The following SMG6 variants were observed in gnomAD, a reference collection of about 807,000 sequenced individuals.
The protein encoded by SMG6 is SMG6 nonsense mediated mRNA decay factor.
Under a neutral mutation model 142.2 loss-of-function variants are expected in SMG6, and 66 were observed. That is an observed-to-expected ratio of 0.46 (90% CI 0.38 to 0.57). The LOEUF is 0.57. Ranked by LOEUF, SMG6 falls within the 20% of genes least tolerant of loss-of-function variation. SMG6 has a pLI of 0.00. For missense variants in SMG6, 1,793 were observed against 1,832.0 expected (o/e 0.98, Z 0.39); for synonymous variants, 779 against 702.4 (o/e 1.11, Z -1.72).
chr17:2,278,948 G>T (rs550822606), intron 8 of SMG6, among the ~76,000 whole-genome samples: 1 of 152,180 alleles, frequency 6.6e-6, no homozygotes, highest in East Asian at 1.9e-4. Flanking sequence ...TATCAACTAA[G>T]ATTTATTTAG....
chr17:2,179,617 G>A (rs1206824592), intron 12 of SMG6, among the ~76,000 whole-genome samples: 1 of 151,848 alleles, frequency 6.6e-6, no homozygotes, highest in Non-Finnish European at 1.5e-5. Flanking sequence ...CAATCCAACA[G>A]TGTGATAAAT....
chr17:2,300,644 C>T lies in SMG6; in HGVS notation c.109G>A (p.Glu37Lys), dbSNP rs769106866. 3.2e-6 allele frequency: 5 copies of T among 1,585,780 alleles called. No homozygotes were observed. The highest frequency in any genetic ancestry group is 4.3e-6 in the Non-Finnish European group (5 of 1,169,468). The change falls in exon 2 of 19, where the codon GAG (glutamate) becomes AAG (lysine). Residue 37 changes from glutamate (E) to lysine (K), a missense_variant. Physicochemically the swap from Glu to Lys is moderately conservative, Grantham distance 56. Transcript: ENST00000263073. ...GSRENMKELKEARPRKDNRRP... is the reference protein window; with the variant it reads ...GSRENMKELKKARPRKDNRRP... ...CTGTTATCTTTGCGCGGCCTGGCCT[C>T]CTTTAATTCCTTCATGTTTTCTGTT...
At chr17:2,271,592 G>A (rs1365307244) in intron 8 of SMG6, among the ~76,000 whole-genome samples, 1 of 152,074 alleles carries the variant, frequency 6.6e-6, no homozygotes, top group Admixed American at 6.6e-5. Flanking sequence ...GCGGGCGCCT[G>A]TAGTCCCAGC....
intron 15 of SMG6, among the ~76,000 whole-genome samples, chr17:2,074,328 G>C (rs919199882): frequency 2.0e-5 from 3 of 152,040 alleles, no homozygotes; most frequent in African/African-American, 7.2e-5. Flanking sequence ...ATAAAAATAG[G>C]AACAGTGGGT....
intron 10 of SMG6, among the ~76,000 whole-genome samples, chr17:2,198,968 A>G (rs1417490133): frequency 2.7e-5 from 4 of 150,152 alleles, no homozygotes; most frequent in Non-Finnish European, 5.9e-5. Context: ...AAAAAAAAAA[A>G]AAAAAAGAAA....
chr17:2,222,297 T>G (rs2073192874), intron 10 of SMG6, among the ~76,000 whole-genome samples: 1 of 151,742 alleles, frequency 6.6e-6, no homozygotes, highest in Non-Finnish European at 1.5e-5. Context: ...GCAGCAGTGT[T>G]AAATAGGATG....
intron 10 of SMG6, among the ~76,000 whole-genome samples, chr17:2,205,731 T>C (rs1347696297): frequency 2.6e-5 from 4 of 152,296 alleles, no homozygotes; most frequent in East Asian, 3.9e-4. Context: ...TTTTAAAGCA[T>C]GGACTCTATG....
At chr17:2,173,335 G>T (rs1162869681) in intron 12 of SMG6, among the ~76,000 whole-genome samples, 1 of 152,148 alleles carries the variant, frequency 6.6e-6, no homozygotes, top group Non-Finnish European at 1.5e-5. Context: ...CAAGAGTCAT[G>T]CATGTTTTCC....
intron 6 of SMG6, among the ~76,000 whole-genome samples, chr17:2,289,257 G>GA (rs112015372): frequency 1.7e-4 from 25 of 148,158 alleles, no homozygotes; most frequent in Admixed American, 2.7e-4. Context: ...CTCAAAAAAA[G>GA]AAAAAAAAAA....
At chr17:2,137,103 G>A (rs1246948762) in intron 13 of SMG6, among the ~76,000 whole-genome samples, 1 of 152,178 alleles carries the variant, frequency 6.6e-6, no homozygotes, top group African/African-American at 2.4e-5. Flanking sequence ...GGAGGTGGAG[G>A]TTGCAGTGAG....
At chr17:2,127,859 T>A in intron 13 of SMG6, 1 of 557,518 alleles carries the variant, frequency 1.8e-6, no homozygotes, top group South Asian at 1.4e-5. Context: ...TGAAGAGCGA[T>A]CTCCTGCTTC....
chr17:2,083,356 G>A (rs2068475330), intron 14 of SMG6, among the ~76,000 whole-genome samples: 1 of 152,168 alleles, frequency 6.6e-6, no homozygotes, highest in Admixed American at 6.5e-5. Context: ...CAGAATCTAG[G>A]GGTGTTTTGG....
At chr17:2,162,379 T>G (rs1009324270) in intron 13 of SMG6, among the ~76,000 whole-genome samples, 3 of 151,526 alleles carry the variant, frequency 2.0e-5, no homozygotes, top group African/African-American at 7.3e-5. Context: ...CCAGGCGTGG[T>G]GGTGGGCGCC....
At position 2,303,237 on chromosome 17, in the gene SMG6, G is replaced by C. The variant is rs542601053; in HGVS notation, c.88+396C>G. On this transcript the variant is annotated intron_variant, in intron 1 of 18. Coordinates refer to ENST00000263073, the MANE Select transcript of SMG6 (RefSeq NM_017575.5). ...ATTCCTTCTCTCCGACGTTAAAGCG[G>C]TGGCCGGGGCAGGCCCGCGGAGGGC... The C allele has an allele frequency of 1.9e-4, 192 of 1,031,688 alleles. No individual in the cohort carries two copies. The African/African-American group carries it at 3.0e-3, about 16-fold the overall frequency. The allele number at this position is 1,031,688 out of a possible 1,614,324, so 63.9% of individuals were successfully genotyped here. A position where few individuals can be genotyped will look rare whatever the true frequency, so the allele number is the denominator to read the frequency against.
intron 13 of SMG6, among the ~76,000 whole-genome samples, chr17:2,115,618 C>T (rs2069481758): frequency 1.3e-5 from 2 of 152,112 alleles, no homozygotes; most frequent in Admixed American, 1.3e-4. Context: ...TAAAATGAAC[C>T]ACAGACCCAA....
intron 12 of SMG6, among the ~76,000 whole-genome samples, chr17:2,178,354 A>AAG (rs2071708616): frequency 6.6e-6 from 1 of 152,210 alleles, no homozygotes. Flanking sequence ...ACCATCCTCT[A>AAG]AGAATAAGAG....
chr17:2,234,528 G>A (rs756270623), intron 10 of SMG6, among the ~76,000 whole-genome samples: 37 of 152,112 alleles, frequency 2.4e-4, no homozygotes, highest in South Asian at 6.2e-4. Flanking sequence ...CTCCCAAAGC[G>A]CTGGGATTAC....
chr17:2,176,828 A>G (rs960918190), intron 12 of SMG6, among the ~76,000 whole-genome samples: 5 of 152,256 alleles, frequency 3.3e-5, no homozygotes, highest in African/African-American at 1.2e-4. Context: ...GTATGCACTC[A>G]GAACCAAGGC....
chr17:2,080,022 C>T (rs1416808057), intron 15 of SMG6, among the ~76,000 whole-genome samples: 1 of 151,926 alleles, frequency 6.6e-6, no homozygotes, highest in Non-Finnish European at 1.5e-5. Flanking sequence ...TTGCAGTGAG[C>T]TGAGATTGCG....
Sources: allele counts gnomAD v4.1 joint callset (sites outside exome capture counted in the v4.1 genomes callset), GRCh38; gene constraint gnomAD v4.1.1; transcripts MANE v1.5; gene names NCBI Gene and HGNC (gene_info 2026-07-23, HGNC 2026-07-21).